EPHA4: variants seen among roughly 807,000 people sequenced by gnomAD.
The protein encoded by EPHA4 is ephrin type-A receptor 4.
In EPHA4, 19 loss-of-function variants were observed where a neutral mutation model predicts 108.3. That is an observed-to-expected ratio of 0.18 (90% CI 0.12 to 0.26). The LOEUF (loss-of-function observed/expected upper bound fraction) is 0.26, where lower values mean the gene tolerates loss of function less well. Among genes scored for constraint, EPHA4 ranks in the 10% least tolerant of loss-of-function variants. EPHA4 has a pLI of 1.00. For synonymous variants in EPHA4, 449 were observed against 455.5 expected (o/e 0.99, Z 0.18); for missense variants, 917 against 1,254.0 (o/e 0.73, Z 4.06).
intron 3 of EPHA4, among the ~76,000 whole-genome samples, chr2:221,530,084 GT>G (rs1693460479): frequency 6.6e-6 from 1 of 151,910 alleles, no homozygotes; most frequent in African/African-American, 2.4e-5. Context: ...CATAATACTT[GT>G]GGGGATCAGA....
At chr2:221,488,770 C>A (rs1003942650) in intron 4 of EPHA4, among the ~76,000 whole-genome samples, 1 of 152,148 alleles carries the variant, frequency 6.6e-6, no homozygotes, top group Non-Finnish European at 1.5e-5. Flanking sequence ...CTTTACCAAC[C>A]ATGTGCTCTT....
intron 3 of EPHA4, among the ~76,000 whole-genome samples, chr2:221,539,678 C>A (rs560015739): frequency 8.5e-5 from 13 of 152,204 alleles, no homozygotes; most frequent in Non-Finnish European, 1.9e-4. Flanking sequence ...CCCAGTAACG[C>A]GGAGTAGTCA....
At position 221,426,155 on chromosome 2, in the gene EPHA4, C is replaced by T. The variant is rs202180511; in HGVS notation, c.2847-13G>A. On this transcript the variant is annotated splice_polypyrimidine_tract_variant and intron_variant, in intron 16 of 17. Transcript: ENST00000281821. ...TCTTGCCAGGTCCCTGTACATAGGGCGACAAAAAAGGGACAGAAGAAGTCA... is the reference window on the plus strand; with the variant it reads ...TCTTGCCAGGTCCCTGTACATAGGGTGACAAAAAAGGGACAGAAGAAGTCA... 8.0e-5 allele frequency: 128 copies of T among 1,606,412 alleles called. No individual in the cohort carries two copies. The Middle Eastern group carries it at 2.2e-3, about 27-fold the overall frequency.
intron 4 of EPHA4, among the ~76,000 whole-genome samples, chr2:221,496,462 T>C (rs1222515096): frequency 6.6e-6 from 1 of 152,174 alleles, no homozygotes; most frequent in Admixed American, 6.5e-5. Context: ...GGAAGAGCCA[T>C]AGGCTAAGAA....
rs566584977 is a variant in EPHA4, at chr2:221,425,903, GT to G, written c.*124del. ...TGCACCAAGCAACGCTGCAGATATT[GT>G]TTTTTTTTTTCATTTCTTTAATTTC... On this transcript the variant is annotated 3_prime_UTR_variant, in exon 17 of 18. Transcript: ENST00000281821. 8.6e-3 allele frequency: 5,729 copies of G among 663,590 alleles called. 20 individuals carry two copies. The highest frequency in any genetic ancestry group is 0.028 in the African/African-American group (1,509 of 53,364). The allele number at this position is 663,590 out of a possible 1,614,324, so 41.1% of individuals were successfully genotyped here.
At chr2:221,524,902 A>G (rs916623416) in intron 3 of EPHA4, among the ~76,000 whole-genome samples, 1 of 152,220 alleles carries the variant, frequency 6.6e-6, no homozygotes, top group Non-Finnish European at 1.5e-5. Flanking sequence ...TTTAAAATGA[A>G]GTTTTCCAAG....
At chr2:221,479,929 C>T (rs1280756064) in intron 5 of EPHA4, among the ~76,000 whole-genome samples, 1 of 152,142 alleles carries the variant, frequency 6.6e-6, no homozygotes, top group East Asian at 1.9e-4. Flanking sequence ...CAGCAAACCT[C>T]CTTGGCAGGA....
intron 16 of EPHA4, 133 bp from the exon 17 acceptor site, chr2:221,426,275 G>T: frequency 2.0e-6 from 2 of 1,025,574 alleles, no homozygotes; most frequent in Non-Finnish European, 2.9e-6. Flanking sequence ...GTATTAAAAT[G>T]TTTCATTAAG....
chr2:221,464,288 G>A (rs1691238423), intron 5 of EPHA4, among the ~76,000 whole-genome samples: 1 of 152,094 alleles, frequency 6.6e-6, no homozygotes, highest in African/African-American at 2.4e-5. Flanking sequence ...TAATTACTTG[G>A]AGCTTAAGGT....
chr2:221,515,139 AGGCTGGAGTACAAT>A (rs1382080984), intron 3 of EPHA4, among the ~76,000 whole-genome samples: 1 of 152,172 alleles, frequency 6.6e-6, no homozygotes, highest in Non-Finnish European at 1.5e-5. Context: ...CTTGTTGGCC[AGGCTGGAGTACAAT>A]GGCACGATCT....
At chr2:221,506,240 C>G (rs1692626675) in intron 3 of EPHA4, among the ~76,000 whole-genome samples, 1 of 152,036 alleles carries the variant, frequency 6.6e-6, no homozygotes, top group Non-Finnish European at 1.5e-5. Context: ...ATCAAAGTCT[C>G]TTAATGGCCA....
intron 5 of EPHA4, among the ~76,000 whole-genome samples, chr2:221,464,708 T>C (rs1691254264): frequency 6.6e-6 from 1 of 152,158 alleles, no homozygotes; most frequent in African/African-American, 2.4e-5. Context: ...TTAGGTAAAA[T>C]CATTAAAATC....
Position 221,501,017 on chromosome 2 carries a change from G to A in EPHA4, c.979C>T (p.Arg327Cys), listed in dbSNP as rs1166938504. 3.8e-6 allele frequency: 6 copies of A among 1,597,946 alleles called. No homozygotes were observed. The highest frequency in any genetic ancestry group is 2.2e-5 in the East Asian group (1 of 44,540). Residue 327 changes from arginine to cysteine, a missense_variant and splice_region_variant, in exon 4 of 18, where the codon CGT becomes TGT. Around this residue, in one of 3 missense-constraint regions of EPHA4, gnomAD observed 758 missense variants for 1,076.7 expected, o/e 0.70. Transcript: ENST00000281821. The part of the protein sequence containing the change: ...DNDAASMPCT[R>C]PPSAPLNLIS... ...AATGAGAGACAAGCATACAACTTACGGGTGCAGGGCATAGAGGCAGCATCG... is the reference window on the plus strand; with the variant it reads ...AATGAGAGACAAGCATACAACTTACAGGTGCAGGGCATAGAGGCAGCATCG...
chr2:221,544,792 G>T (rs1693939358), intron 3 of EPHA4, among the ~76,000 whole-genome samples: 1 of 152,134 alleles, frequency 6.6e-6, no homozygotes, highest in Non-Finnish European at 1.5e-5. Flanking sequence ...AATCATAAAG[G>T]TGAGATCTTA....
intron 17 of EPHA4, among the ~76,000 whole-genome samples, chr2:221,421,036 C>T (rs1277381392): frequency 1.3e-5 from 2 of 152,308 alleles, no homozygotes; most frequent in Admixed American, 6.5e-5. Flanking sequence ...CGGTGGCTCA[C>T]GCCTGTAATC....
chr2:221,554,036 T>C (rs1443126928), intron 3 of EPHA4, among the ~76,000 whole-genome samples: 1 of 152,312 alleles, frequency 6.6e-6, no homozygotes, highest in South Asian at 2.1e-4. Context: ...ATCTGTAACT[T>C]ATTAAGAAGA....
chr2:221,488,508 T>A (rs929366441), intron 4 of EPHA4, among the ~76,000 whole-genome samples: 3 of 152,214 alleles, frequency 2.0e-5, no homozygotes, highest in African/African-American at 4.8e-5. Flanking sequence ...TAGATACATT[T>A]AATGAACATC....
At chr2:221,572,460 C>G (rs1184626743), upstream of EPHA4, 6 of 357,174 alleles carry the variant, frequency 1.7e-5, no homozygotes, top group Non-Finnish European at 2.5e-5. Context: ...GTTCCGCCCC[C>G]TCCGGGCTCC....
intron 3 of EPHA4, among the ~76,000 whole-genome samples, chr2:221,543,686 G>T (rs1232167640): frequency 1.3e-5 from 2 of 152,138 alleles, no homozygotes; most frequent in African/African-American, 2.4e-5. Context: ...TTAAAGTCTA[G>T]TGAAATATTA....
Sources: gnomAD v4.1 joint callset for allele counts (sites outside exome capture counted in the v4.1 genomes callset) on GRCh38, gnomAD v4.1.1 for gene constraint, gnomAD v4.1.1 regional missense constraint, MANE v1.5 for transcripts, NCBI Gene and HGNC (gene_info 2026-07-23, HGNC 2026-07-21) for gene names.